Variants in KATNIP observed in about 807,000 individuals in gnomAD.
The protein encoded by KATNIP is katanin interacting protein.
A neutral mutation model predicts 174.0 loss-of-function variants in KATNIP; 126 were observed. The ratio of observed to expected loss-of-function variants is 0.72; its 90% CI spans 0.63 to 0.84. The LOEUF (loss-of-function observed/expected upper bound fraction) is 0.84, where lower values mean the gene tolerates loss of function less well. Among genes scored for constraint, KATNIP ranks in the 40% least tolerant of loss-of-function variants. The pLI is 0.00. For synonymous variants in KATNIP, 810 were observed against 835.7 expected (o/e 0.97, Z 0.53); for missense variants, 1,958 against 2,109.7 (o/e 0.93, Z 1.41).
intron 1 of KATNIP, among the ~76,000 whole-genome samples, chr16:27,568,452 T>G (rs563913257): frequency 1.3e-5 from 2 of 151,992 alleles, no homozygotes; most frequent in African/African-American, 2.4e-5. Context: ...CAACCGGGCC[T>G]TGCCCCGGGA....
In KATNIP at chr16:27,776,822, G is replaced by A. The variant is rs2082515335; in HGVS notation, c.4450-106G>A. The A allele has an allele frequency of 1.3e-6, 1 of 777,666 alleles. No individual in the cohort carries two copies. The highest frequency in any genetic ancestry group is 2.5e-5 in the East Asian group (1 of 39,820). 48.2% of individuals were successfully genotyped at this position (777,666 alleles called of 1,614,324 possible). A position where few individuals can be genotyped will look rare whatever the true frequency, so the allele number is the denominator to read the frequency against. ...CAGGCTGGCCCACGTGGCAGGCGCT[G>A]CCTTGGGCACCACCGCTCACCCCAG... On this transcript the variant is annotated intron_variant, in intron 24 of 27. Coordinates refer to ENST00000261588, the MANE Select transcript of KATNIP (RefSeq NM_015202.5). The surrounding 1 kb of genome is among the most constrained non-coding windows in gnomAD (Gnocchi z 4.7).
intron 14 of KATNIP, among the ~76,000 whole-genome samples, chr16:27,739,668 A>T (rs2081027673): frequency 6.6e-6 from 1 of 152,222 alleles, no homozygotes. Context: ...ACACAGGGGA[A>T]TGACTGGACA....
intron 21 of KATNIP, 69 bp from the exon 22 acceptor site, chr16:27,771,518 TA>T (rs2082301185): frequency 6.2e-6 from 9 of 1,459,722 alleles, no homozygotes; most frequent in African/African-American, 4.2e-5. Context: ...GGCTGTTACC[TA>T]GGGGGTAACT....
chr16:27,583,766 T>C (rs529055398), intron 2 of KATNIP, among the ~76,000 whole-genome samples: 14 of 152,322 alleles, frequency 9.2e-5, no homozygotes, highest in South Asian at 6.2e-4. Flanking sequence ...AACCAGCTTC[T>C]GCAAAATAAG....
intron 2 of KATNIP, among the ~76,000 whole-genome samples, chr16:27,595,469 T>C (rs982728917): frequency 1.3e-5 from 2 of 152,164 alleles, no homozygotes; most frequent in Non-Finnish European, 2.9e-5. Flanking sequence ...AGTTGTTCAT[T>C]GTGATAGAGG....
chr16:27,739,280 C>A (rs553755431), intron 14 of KATNIP, among the ~76,000 whole-genome samples: 1 of 152,122 alleles, frequency 6.6e-6, no homozygotes, highest in Admixed American at 6.6e-5. Flanking sequence ...GGTTTTTGGC[C>A]ACTGCTTCAA....
intron 2 of KATNIP, among the ~76,000 whole-genome samples, chr16:27,609,378 C>A (rs1197918768): frequency 1.8e-5 from 1 of 55,600 alleles, no homozygotes; most frequent in Non-Finnish European, 3.0e-5. Flanking sequence ...TGAGTTAAGT[C>A]TTTTTTTTTT....
chr16:27,769,963 GA>G lies in KATNIP; in HGVS notation c.4081del (p.Ile1361SerfsTer21), dbSNP rs756452309. The G allele has an allele frequency of 3.7e-6, 6 of 1,614,134 alleles. No individual in the cohort carries two copies. The African/African-American group carries it at 6.7e-5, about 18-fold the overall frequency. On this transcript the variant is annotated frameshift_variant, in exon 21 of 28. Transcript: ENST00000261588. LOFTEE classifies it high-confidence loss of function. Reference sequence around the variant, plus strand: ...CAACTGCCACTTTGATTTTGCTCAAGAAATCCTCTTCGTGGACTACCTACGG... The same window carrying G: ...CAACTGCCACTTTGATTTTGCTCAAGAATCCTCTTCGTGGACTACCTACGG... ...PGNCHFDFAQEILFVDYLRAQ... is the reference protein window; with the variant it reads ...PGNCHFDFAQXILFVDYLRAQ...
chr16:27,589,070 A>G (rs1033862002), intron 2 of KATNIP, among the ~76,000 whole-genome samples: 1 of 126,782 alleles, frequency 7.9e-6, no homozygotes, highest in Admixed American at 7.9e-5. Context: ...TAATTTTTGT[A>G]TTTTTTTTTT....
chr16:27,634,121 G>C (rs569123558), intron 5 of KATNIP, among the ~76,000 whole-genome samples: 1 of 152,290 alleles, frequency 6.6e-6, no homozygotes, highest in East Asian at 1.9e-4. Flanking sequence ...CTTAATAGCT[G>C]GCCCTAGAGT....
At chr16:27,769,308 C>A (rs1045778619) in intron 20 of KATNIP, among the ~76,000 whole-genome samples, 2 of 152,152 alleles carry the variant, frequency 1.3e-5, no homozygotes, top group Non-Finnish European at 2.9e-5. Flanking sequence ...CAGAAAGAGG[C>A]CTGTCCTGTC....
At chr16:27,758,583 A>G (rs2081826925) in intron 18 of KATNIP, among the ~76,000 whole-genome samples, 1 of 152,222 alleles carries the variant, frequency 6.6e-6, no homozygotes, top group South Asian at 2.1e-4. Context: ...GATATGATCT[A>G]GCCCCTGCCT....
At position 27,703,912 on chromosome 16, in the gene KATNIP, C is replaced by T. The variant is rs147645225; in HGVS notation, c.1303C>T (p.Leu435=). The change falls in exon 12 of 28, where the codon CTG becomes TTG. Residue 435 remains leucine, a synonymous_variant. Coordinates refer to ENST00000261588, the MANE Select transcript of KATNIP (RefSeq NM_015202.5). ...CCATTTCAGACAACAGCAGAAGCTT[C>T]TGAAAGTCCTCCAGGCCGTCGAAAG... ...LLGSRQQQKL[L]KVLQAVESDS... is the part of the protein sequence containing the mutation. The T allele has an allele frequency of 3.0e-3, 4,861 of 1,614,176 alleles. 14 individuals carry two copies. Among genetic ancestry groups the T allele is most frequent in the Non-Finnish European group, 3.3e-3 (3,876 of 1,179,994 alleles).
intron 2 of KATNIP, 85 bp from the exon 3 acceptor site, chr16:27,618,340 G>T (rs4787980): frequency 9.4e-7 from 1 of 1,060,376 alleles, no homozygotes; most frequent in Non-Finnish European, 1.5e-6. Flanking sequence ...CTCTCAGCCT[G>T]CTGCGCCGGT....
chr16:27,638,211 G>T (rs562959731), intron 5 of KATNIP, among the ~76,000 whole-genome samples: 72 of 152,300 alleles, frequency 4.7e-4, no homozygotes, highest in African/African-American at 1.7e-3. Flanking sequence ...TCAGAGACCA[G>T]TTCATTTGGT....
rs2076671883 is a variant in KATNIP, at chr16:27,637,506, C to T, written c.408+6344C>T. On this transcript the variant is annotated intron_variant, in intron 5 of 27. Coordinates refer to ENST00000261588, the MANE Select transcript of KATNIP (RefSeq NM_015202.5). The surrounding 1 kb of genome is among the most constrained non-coding windows in gnomAD (Gnocchi z 4.7). Reference sequence around the variant, plus strand: ...TGAAAGAGAAGCTGTCGGGGGAGCGCTCCTTCAGCGAAGGTGGGCAGCACA... The same window carrying T: ...TGAAAGAGAAGCTGTCGGGGGAGCGTTCCTTCAGCGAAGGTGGGCAGCACA... Among the ~76,000 whole-genome samples, 1 of 152,162 alleles carries T rather than the reference C, an allele frequency of 6.6e-6. No homozygotes were observed. Among genetic ancestry groups the T allele is most frequent in the African/African-American group, 2.4e-5 (1 of 41,442 alleles).
chr16:27,643,367 G>A (rs2076861315), intron 5 of KATNIP: 1 of 152,284 alleles, frequency 6.6e-6, no homozygotes, highest in Non-Finnish European at 1.5e-5. Context: ...AAGGCAGGTA[G>A]ATCACCTGAT....
chr16:27,701,640 G>A lies in KATNIP; in HGVS notation c.1231G>A (p.Gly411Arg), dbSNP rs749754272. ...TACTCAGGAGCCGGCCGGGGCAGCA[G>A]GAGGAGCCAGGGCCATCAACCAGGC... ...TTTQEPAGAA[G>R]GARAINQAMD... The change falls in exon 11 of 28, where the codon GGA becomes AGA. Residue 411 changes from glycine to arginine, a missense_variant. By Grantham distance (125) the Gly-to-Arg change is moderately radical. This residue lies in a region of KATNIP where 1,557 missense variants were observed against 1,617.8 expected (regional missense o/e 0.96). Transcript: ENST00000261588. The A allele has an allele frequency of 6.2e-7, 1 of 1,608,360 alleles. No individual in the cohort carries two copies. The highest frequency in any genetic ancestry group is 1.7e-5 in the Admixed American group (1 of 59,364).
intron 8 of KATNIP, among the ~76,000 whole-genome samples, chr16:27,691,012 G>A (rs1466612010): frequency 1.3e-5 from 2 of 152,218 alleles, no homozygotes; most frequent in South Asian, 2.1e-4. Flanking sequence ...ATACATCTCT[G>A]TAGGCAGGTT....
Sources: allele counts gnomAD v4.1 joint callset (sites outside exome capture counted in the v4.1 genomes callset), GRCh38; gene constraint gnomAD v4.1.1; regional missense constraint gnomAD v4.1.1; non-coding constraint Gnocchi (gnomAD v3.1); transcripts MANE v1.5; gene names NCBI Gene and HGNC (gene_info 2026-07-23, HGNC 2026-07-21).